The following CELF4 variants were observed in gnomAD, a reference collection of about 807,000 sequenced individuals.
CELF4 encodes CUGBP Elav-like family member 4, also known as CUG-BP- and ETR-3-like factor 4.
CELF4 carries 18 observed loss-of-function variants against 59.9 expected under a neutral mutation model. That is an observed-to-expected ratio of 0.30 (90% CI 0.21 to 0.45). The LOEUF is 0.45. Among genes scored for constraint, CELF4 ranks in the 20% least tolerant of loss-of-function variants. The pLI is 1.00. For synonymous variants in CELF4, 261 were observed against 267.1 expected (o/e 0.98, Z 0.22); for missense variants, 456 against 689.0 (o/e 0.66, Z 3.79).
intron 2 of CELF4, among the ~76,000 whole-genome samples, chr18:37,483,209 A>G (rs571729846): frequency 4.3e-4 from 66 of 152,342 alleles, no homozygotes; most frequent in African/African-American, 1.5e-3. Flanking sequence ...AACAGCAATA[A>G]CACCAGGTCT....
chr18:37,560,809 A>C lies in CELF4; in HGVS notation c.286+4547T>G, dbSNP rs1603644233. ...TGTCTACAGCAGGAAAAAAACACCC[A>C]AAACCCCACAAAACAACGAACCATC... On this transcript the variant is annotated intron_variant, in intron 1 of 12. Coordinates refer to ENST00000420428, the MANE Select transcript of CELF4 (RefSeq NM_020180.4). Among the ~76,000 whole-genome samples, 3 of 152,362 alleles carry C rather than the reference A, an allele frequency of 2.0e-5. No individual in the cohort carries two copies. The East Asian group carries it at 5.8e-4, about 29-fold the overall frequency.
intron 1 of CELF4, among the ~76,000 whole-genome samples, chr18:37,498,801 G>A (rs2099928182): frequency 6.6e-6 from 1 of 152,060 alleles, no homozygotes; most frequent in Admixed American, 6.5e-5. Flanking sequence ...AGGTGGGTCT[G>A]GCTATGACAG....
chr18:37,413,079 A>G (rs1385308739), intron 2 of CELF4, among the ~76,000 whole-genome samples: 1 of 152,112 alleles, frequency 6.6e-6, no homozygotes, highest in African/African-American at 2.4e-5. Context: ...TGCTCCTGTC[A>G]CAGCACATCT....
chr18:37,357,154 C>A (rs1039598869), intron 2 of CELF4, among the ~76,000 whole-genome samples: 2 of 152,172 alleles, frequency 1.3e-5, no homozygotes, highest in Non-Finnish European at 2.9e-5. Context: ...AGAGAAAGTT[C>A]CCAGAGGAGC....
chr18:37,311,250 A>G (rs1377912952), intron 3 of CELF4, among the ~76,000 whole-genome samples: 1 of 152,060 alleles, frequency 6.6e-6, no homozygotes, highest in Non-Finnish European at 1.5e-5. Context: ...AGTTAATTAT[A>G]TTTTCGCACC....
chr18:37,546,173 G>A (rs966839993), intron 1 of CELF4, among the ~76,000 whole-genome samples: 2 of 152,106 alleles, frequency 1.3e-5, no homozygotes, highest in African/African-American at 2.4e-5. Context: ...AGTCATAGAC[G>A]TACACACAAT....
chr18:37,376,996 T>C (rs879843323), intron 2 of CELF4, among the ~76,000 whole-genome samples: 2 of 87,258 alleles, frequency 2.3e-5, no homozygotes, highest in East Asian at 6.2e-4. Context: ...CAGGGGAGGG[T>C]GGAGGGGAGA....
intron 2 of CELF4, among the ~76,000 whole-genome samples, chr18:37,400,922 C>T (rs186116681): frequency 5.2e-4 from 79 of 152,314 alleles, no homozygotes; most frequent in African/African-American, 1.8e-3. Flanking sequence ...GGGCTGAGGG[C>T]GGCTGATTTG....
chr18:37,531,488 C>T (rs1047766717), intron 1 of CELF4, among the ~76,000 whole-genome samples: 7 of 152,188 alleles, frequency 4.6e-5, no homozygotes, highest in African/African-American at 1.4e-4. Context: ...ATATCCACTC[C>T]GTGTGGCTAA....
intron 1 of CELF4, among the ~76,000 whole-genome samples, chr18:37,534,049 C>T (rs148287073): frequency 2.0e-5 from 3 of 152,200 alleles, no homozygotes; most frequent in Admixed American, 1.3e-4. Flanking sequence ...CGCTGGGCCC[C>T]GATGGATTCC....
intron 2 of CELF4, among the ~76,000 whole-genome samples, chr18:37,442,287 T>C (rs1445414055): frequency 6.6e-6 from 1 of 152,112 alleles, no homozygotes; most frequent in Non-Finnish European, 1.5e-5. Context: ...GCTTGCCAAG[T>C]CGTGACATAA....
At chr18:37,344,745 C>T (rs1271474471) in intron 2 of CELF4, among the ~76,000 whole-genome samples, 1 of 152,212 alleles carries the variant, frequency 6.6e-6, no homozygotes, top group Non-Finnish European at 1.5e-5. Context: ...TGCAGACGCT[C>T]GTGAACCTGA....
chr18:37,408,505 G>A (rs866429560), intron 2 of CELF4, among the ~76,000 whole-genome samples: 2 of 15,352 alleles, frequency 1.3e-4, no homozygotes, highest in African/African-American at 2.0e-4. Context: ...GGGGGGGCGC[G>A]GTGCAGGAGG....
chr18:37,413,826 G>T (rs2099497777), intron 2 of CELF4, among the ~76,000 whole-genome samples: 1 of 152,190 alleles, frequency 6.6e-6, no homozygotes, highest in Non-Finnish European at 1.5e-5. Context: ...AGGAAGAACT[G>T]CAATATGGTG....
chr18:37,374,827 T>G lies in CELF4; in HGVS notation c.370-52946A>C, dbSNP rs185348971. On this transcript the variant is annotated intron_variant, in intron 2 of 12. Coordinates refer to ENST00000420428, the MANE Select transcript of CELF4 (RefSeq NM_020180.4). Reference sequence around the variant, plus strand: ...GCTTCCTACTCCCAGCCAGTGGCCCTGCCTCTTTGAGCTGCAGCCCCATCC... The same window carrying G: ...GCTTCCTACTCCCAGCCAGTGGCCCGGCCTCTTTGAGCTGCAGCCCCATCC... 4.0e-3 allele frequency among the ~76,000 whole-genome samples: 616 copies of G among 152,310 alleles called. 3 individuals are homozygous for G. Among genetic ancestry groups the G allele is most frequent in the African/African-American group, 0.014 (591 of 41,578 alleles).
chr18:37,496,541 A>T (rs1036738991), intron 1 of CELF4, among the ~76,000 whole-genome samples: 3 of 152,174 alleles, frequency 2.0e-5, no homozygotes, highest in Admixed American at 1.3e-4. Flanking sequence ...AATTTTTTTT[A>T]AAAAAGAAGC....
At position 37,243,239 on chromosome 18, in the gene CELF4, G is replaced by GA. The variant is rs2154234258; in HGVS notation, c.*2002dup. 1 of 124,022 alleles carries GA rather than the reference G, an allele frequency of 8.1e-6. No individual in the cohort carries two copies. Among genetic ancestry groups the GA allele is most frequent in the South Asian group, 2.5e-4 (1 of 3,972 alleles). 7.7% of individuals were successfully genotyped at this position (124,022 alleles called of 1,614,324 possible). Reference sequence around the variant, plus strand: ...GACATCCTAAAAGGAGGAGTCAAGAGAAAAAAAGAAAATGAAAAACAACAA... The same window carrying GA: ...GACATCCTAAAAGGAGGAGTCAAGAGAAAAAAAAGAAAATGAAAAACAACAA... On this transcript the variant is annotated 3_prime_UTR_variant, in exon 13 of 13. Transcript: ENST00000420428.
chr18:37,292,674 C>T (rs141139694), intron 3 of CELF4, among the ~76,000 whole-genome samples: 9 of 152,164 alleles, frequency 5.9e-5, no homozygotes, highest in East Asian at 1.9e-4. Context: ...GCCACAATCC[C>T]GAGAAAATAA....
At chr18:37,439,448 A>C (rs1569569419) in intron 2 of CELF4, among the ~76,000 whole-genome samples, 1 of 152,128 alleles carries the variant, frequency 6.6e-6, no homozygotes. Flanking sequence ...CGTCTGAAAT[A>C]CTGAGGAGCT....
Sources: allele counts gnomAD v4.1 joint callset (sites outside exome capture counted in the v4.1 genomes callset), GRCh38; gene constraint gnomAD v4.1.1; transcripts MANE v1.5; gene names NCBI Gene and HGNC (gene_info 2026-07-23, HGNC 2026-07-21).